The following ST6GALNAC3 variants were observed in gnomAD, a reference collection of about 807,000 sequenced individuals.
ST6GALNAC3 encodes ST6 N-acetylgalactosaminide alpha-2,6-sialyltransferase 3, also known as alpha-N-acetylgalactosaminide alpha-2,6-sialyltransferase 3.
In ST6GALNAC3, 25 loss-of-function variants were observed where a neutral mutation model predicts 32.7. That is an observed-to-expected ratio of 0.76 (90% CI 0.56 to 1.07). The LOEUF (loss-of-function observed/expected upper bound fraction) is 1.07, where lower values mean the gene tolerates loss of function less well. Among genes scored for constraint, ST6GALNAC3 ranks in the 50% least tolerant of loss-of-function variants. The pLI, the probability that ST6GALNAC3 is intolerant of heterozygous loss-of-function variation, is 0.00. For synonymous variants in ST6GALNAC3, 129 were observed against 133.1 expected (o/e 0.97, Z 0.21); for missense variants, 355 against 382.4 (o/e 0.93, Z 0.60).
chr1:76,610,058 T>C (rs1401048061), intron 3 of ST6GALNAC3, among the ~76,000 whole-genome samples: 3 of 152,212 alleles, frequency 2.0e-5, no homozygotes, highest in African/African-American at 7.2e-5. Flanking sequence ...CTTATTTTAG[T>C]ATCAGTGTGA....
chr1:76,077,307 T>C (rs897959530), intron 1 of ST6GALNAC3, among the ~76,000 whole-genome samples: 1 of 152,128 alleles, frequency 6.6e-6, no homozygotes, highest in Non-Finnish European at 1.5e-5. Context: ...ACCCTGGACT[T>C]GGTGTTGGCA....
intron 3 of ST6GALNAC3, among the ~76,000 whole-genome samples, chr1:76,498,323 C>T (rs1019598714): frequency 5.3e-5 from 8 of 152,152 alleles, no homozygotes; most frequent in Admixed American, 5.2e-4. Flanking sequence ...TTTTTATCCT[C>T]AATTGATTAG....
At chr1:76,190,808 G>A (rs1344887687) in intron 1 of ST6GALNAC3, among the ~76,000 whole-genome samples, 1 of 152,128 alleles carries the variant, frequency 6.6e-6, no homozygotes, top group African/African-American at 2.4e-5. Flanking sequence ...CAAGAAAGGG[G>A]TTTTTATATT....
At chr1:76,513,249 T>C (rs1428950129) in intron 3 of ST6GALNAC3, among the ~76,000 whole-genome samples, 1 of 152,186 alleles carries the variant, frequency 6.6e-6, no homozygotes, top group African/African-American at 2.4e-5. Context: ...TTTCTTCTAG[T>C]AGTTTCATAG....
chr1:76,180,386 A>G (rs1475694865), intron 1 of ST6GALNAC3, among the ~76,000 whole-genome samples: 1 of 152,172 alleles, frequency 6.6e-6, no homozygotes, highest in African/African-American at 2.4e-5. Context: ...TGCACTAAAA[A>G]TATGTTATTA....
intron 3 of ST6GALNAC3, among the ~76,000 whole-genome samples, chr1:76,519,663 T>C (rs431366): frequency 0.14 from 20,872 of 152,130 alleles, 1,608 homozygotes; most frequent in Middle Eastern, 0.21. Context: ...CATGAGTTAA[T>C]TCATTTTTCA....
At chr1:76,154,051 C>G (rs571761212) in intron 1 of ST6GALNAC3, among the ~76,000 whole-genome samples, 2 of 152,272 alleles carry the variant, frequency 1.3e-5, no homozygotes, top group East Asian at 3.9e-4. Flanking sequence ...CAAACTCAGG[C>G]AAACACTGAT....
intron 2 of ST6GALNAC3, among the ~76,000 whole-genome samples, chr1:76,329,152 C>T (rs1378858680): frequency 6.6e-6 from 1 of 152,152 alleles, no homozygotes; most frequent in African/African-American, 2.4e-5. Flanking sequence ...CAGACAAAAA[C>T]ACAGGAATCA....
intron 1 of ST6GALNAC3, among the ~76,000 whole-genome samples, chr1:76,141,476 C>T (rs748328774): frequency 2.0e-5 from 3 of 152,160 alleles, no homozygotes; most frequent in Non-Finnish European, 4.4e-5. Flanking sequence ...GTCATTTGAA[C>T]TCCTAGAGAA....
chr1:76,146,035 AG>A (rs1165804742), intron 1 of ST6GALNAC3, among the ~76,000 whole-genome samples: 1 of 152,230 alleles, frequency 6.6e-6, no homozygotes, highest in Non-Finnish European at 1.5e-5. Context: ...AAAGTAGTAA[AG>A]GCAATTTAAT....
intron 3 of ST6GALNAC3, among the ~76,000 whole-genome samples, chr1:76,515,386 G>A (rs1662111978): frequency 6.6e-6 from 1 of 151,304 alleles, no homozygotes; most frequent in African/African-American, 2.4e-5. Flanking sequence ...CTCTTTTGTT[G>A]TTTTTTTTAA....
At chr1:76,493,532 T>C (rs1326370014) in intron 3 of ST6GALNAC3, among the ~76,000 whole-genome samples, 1 of 152,180 alleles carries the variant, frequency 6.6e-6, no homozygotes, top group Non-Finnish European at 1.5e-5. Flanking sequence ...TTTCTCAAAT[T>C]TCCCCTATTA....
At chr1:76,565,385 C>G (rs1171899157) in intron 3 of ST6GALNAC3, among the ~76,000 whole-genome samples, 1 of 152,126 alleles carries the variant, frequency 6.6e-6, no homozygotes, top group Non-Finnish European at 1.5e-5. Flanking sequence ...TCCCCCTCCC[C>G]CAGGAGGCAT....
intron 3 of ST6GALNAC3, among the ~76,000 whole-genome samples, chr1:76,507,248 T>C (rs1661533108): frequency 6.6e-6 from 1 of 152,178 alleles, no homozygotes. Context: ...TCACTTCTTT[T>C]TTCCTTTTCT....
chr1:76,227,442 C>T (rs1264270740), intron 1 of ST6GALNAC3, among the ~76,000 whole-genome samples: 1 of 152,166 alleles, frequency 6.6e-6, no homozygotes, highest in African/African-American at 2.4e-5. Flanking sequence ...CAGTGAAGCA[C>T]TTGAGGGCAG....
intron 3 of ST6GALNAC3, among the ~76,000 whole-genome samples, chr1:76,525,822 T>TATATAC: frequency 7.3e-6 from 1 of 137,352 alleles, no homozygotes; most frequent in Non-Finnish European, 1.6e-5. Flanking sequence ...TATATATATA[T>TATATAC]ATATATGACC....
chr1:76,288,199 CT>C (rs1308394489), intron 1 of ST6GALNAC3, among the ~76,000 whole-genome samples: 2 of 152,212 alleles, frequency 1.3e-5, no homozygotes, highest in Non-Finnish European at 2.9e-5. Context: ...GGTGAAATCA[CT>C]GTAAAATCAC....
chr1:76,446,771 C>A (rs576002802), intron 3 of ST6GALNAC3, among the ~76,000 whole-genome samples: 1 of 152,274 alleles, frequency 6.6e-6, no homozygotes, highest in Non-Finnish European at 1.5e-5. Context: ...TTTTTCTTTG[C>A]CTGCTGCCAT....
intron 2 of ST6GALNAC3, among the ~76,000 whole-genome samples, chr1:76,352,526 G>A (rs375548881): frequency 1.1e-4 from 14 of 124,762 alleles, no homozygotes; most frequent in African/African-American, 2.7e-4. Context: ...TTTTACCTCC[G>A]GCCAATCTCT....
Sources: gnomAD v4.1 joint callset for allele counts (sites outside exome capture counted in the v4.1 genomes callset) on GRCh38, gnomAD v4.1.1 for gene constraint, MANE v1.5 for transcripts, NCBI Gene and HGNC (gene_info 2026-07-23, HGNC 2026-07-21) for gene names.